Variants in TBC1D19 observed in about 807,000 individuals in gnomAD.
TBC1D19 encodes TBC1 domain family, member 19.
TBC1D19 carries 60 observed loss-of-function variants against 89.0 expected under a neutral mutation model. That is an observed-to-expected ratio of 0.67 (90% CI 0.55 to 0.84). The LOEUF (loss-of-function observed/expected upper bound fraction) is 0.84, where lower values mean the gene tolerates loss of function less well. Among genes scored for constraint, TBC1D19 ranks in the 40% least tolerant of loss-of-function variants. The pLI is 0.00. For missense variants in TBC1D19, 500 were observed against 610.8 expected, an observed-to-expected ratio of 0.82 and a Z score of 1.91; for synonymous variants, 189 against 199.7, an observed-to-expected ratio of 0.95 and a Z score of 0.45.
rs1287254870 is a variant in TBC1D19, at chr4:26,755,598, G to C, written c.*651G>C. On this transcript the variant is annotated 3_prime_UTR_variant, in exon 21 of 21. Transcript: ENST00000264866. Reference sequence around the variant, plus strand: ...GACAATATTTTATGCTTGACTCTCTGAAAGTCAGAAAATTATAGGTGATCC... The same window carrying C: ...GACAATATTTTATGCTTGACTCTCTCAAAGTCAGAAAATTATAGGTGATCC... Among the ~76,000 whole-genome samples the C allele has an allele frequency of 6.6e-6, 1 of 152,118 alleles. No homozygotes were observed. Among genetic ancestry groups the C allele is most frequent in the Non-Finnish European group, 1.5e-5 (1 of 67,994 alleles).
intron 7 of TBC1D19, among the ~76,000 whole-genome samples, chr4:26,654,835 C>A (rs189979888): frequency 1.1e-4 from 16 of 151,724 alleles, no homozygotes. Context: ...TCCTTTAGCT[C>A]GGAGTAGTTT....
the TBC1D19 span, among the ~76,000 whole-genome samples, chr4:26,855,562 AT>A: frequency 1.3e-5 from 2 of 152,062 alleles, no homozygotes; most frequent in African/African-American, 4.8e-5. Flanking sequence ...GGGTGTACTT[AT>A]GGCCATTTTT....
chr4:26,765,623 C>A, the TBC1D19 span, among the ~76,000 whole-genome samples: 2 of 152,044 alleles, frequency 1.3e-5, no homozygotes, highest in African/African-American at 4.8e-5. Context: ...GGTGACTGAG[C>A]AATAAACTTT....
intron 15 of TBC1D19, among the ~76,000 whole-genome samples, chr4:26,732,767 A>G (rs919183285): frequency 3.3e-5 from 5 of 152,212 alleles, no homozygotes; most frequent in African/African-American, 1.2e-4. Context: ...GCTGCTTGCC[A>G]GTCACTCTGA....
the TBC1D19 span, among the ~76,000 whole-genome samples, chr4:26,788,992 C>T: frequency 6.6e-6 from 1 of 152,130 alleles, no homozygotes; most frequent in Non-Finnish European, 1.5e-5. Context: ...GTCATTGTTA[C>T]CTTTTTTTCC....
At chr4:26,737,473 GA>G (rs1217730011) in intron 16 of TBC1D19, among the ~76,000 whole-genome samples, 1 of 152,092 alleles carries the variant, frequency 6.6e-6, no homozygotes. Flanking sequence ...GAGGATACTT[GA>G]TGTCATCAAA....
intron 1 of TBC1D19, among the ~76,000 whole-genome samples, chr4:26,591,187 A>T (rs1276916994): frequency 1.3e-5 from 2 of 151,742 alleles, no homozygotes; most frequent in African/African-American, 4.8e-5. Context: ...ACTTAGCAAT[A>T]TTCATTTAAT....
At chr4:26,687,155 T>C (rs1228942766) in intron 12 of TBC1D19, among the ~76,000 whole-genome samples, 1 of 152,194 alleles carries the variant, frequency 6.6e-6, no homozygotes, top group Admixed American at 6.6e-5. Context: ...TTTGGATACA[T>C]GTAAGGTTTG....
the TBC1D19 span, among the ~76,000 whole-genome samples, chr4:26,809,120 T>C: frequency 1.3e-5 from 2 of 152,158 alleles, no homozygotes; most frequent in Non-Finnish European, 2.9e-5. Context: ...CATGAAGTGA[T>C]GAGTTTTCTG....
chr4:26,646,209 A>G (rs1197730750), intron 7 of TBC1D19, among the ~76,000 whole-genome samples: 1 of 152,154 alleles, frequency 6.6e-6, no homozygotes, highest in Non-Finnish European at 1.5e-5. Context: ...CAGACACATG[A>G]AAAAATGCTC....
intron 1 of TBC1D19, among the ~76,000 whole-genome samples, chr4:26,604,624 A>G (rs980636654): frequency 6.7e-6 from 1 of 149,932 alleles, no homozygotes; most frequent in Non-Finnish European, 1.5e-5. Flanking sequence ...TAATCCCAGC[A>G]CTTTACTTTG....
chr4:26,699,074 G>A (rs1430531134), intron 13 of TBC1D19, among the ~76,000 whole-genome samples: 1 of 152,138 alleles, frequency 6.6e-6, no homozygotes, highest in Non-Finnish European at 1.5e-5. Flanking sequence ...GAGTGAACAG[G>A]CAACCTACAG....
At chr4:26,579,390 T>A (rs1410334986), upstream of TBC1D19, among the ~76,000 whole-genome samples, 1 of 152,184 alleles carries the variant, frequency 6.6e-6, no homozygotes, top group Non-Finnish European at 1.5e-5. Context: ...GCAGTAAGAT[T>A]TATGGGGAAG....
chr4:26,615,614 G>T lies in TBC1D19; in HGVS notation c.218+1161G>T, dbSNP rs1741635426. ...GTTTCTAAAATAAAGAGACTCAGAT[G>T]AACCCCTATGCACATGTGCTTTAGA... On this transcript the variant is annotated intron_variant, in intron 3 of 20. Transcript: ENST00000264866. 3.9e-5 allele frequency among the ~76,000 whole-genome samples: 6 copies of T among 152,186 alleles called. No individual in the cohort carries two copies. In the South Asian group the frequency reaches 1.2e-3, roughly 32 times the overall value.
the TBC1D19 span, among the ~76,000 whole-genome samples, chr4:26,837,559 G>C: frequency 6.6e-6 from 1 of 152,118 alleles, no homozygotes; most frequent in Admixed American, 6.5e-5. Context: ...ATAGCACTTG[G>C]AGTTTTCACA....
intron 7 of TBC1D19, among the ~76,000 whole-genome samples, chr4:26,657,306 A>G (rs912294042): frequency 2.6e-5 from 4 of 151,126 alleles, no homozygotes; most frequent in Non-Finnish European, 5.9e-5. Context: ...TCATTGTTCA[A>G]CTCTCACTTA....
chr4:26,802,204 T>G, the TBC1D19 span, among the ~76,000 whole-genome samples: 1 of 151,992 alleles, frequency 6.6e-6, no homozygotes, highest in Non-Finnish European at 1.5e-5. Flanking sequence ...ACAAAGTGAG[T>G]ATCATCTACA....
At chr4:26,577,300 T>C (rs932089912) in intron 1 of TBC1D19, among the ~76,000 whole-genome samples, 10 of 151,516 alleles carry the variant, frequency 6.6e-5, no homozygotes, top group Non-Finnish European at 1.0e-4. Context: ...TGTGTGTGTG[T>C]GCGTGTGTGT....
Position 26,692,448 on chromosome 4 carries a change from C to T in TBC1D19, c.954+4041C>T, listed in dbSNP as rs1380978187. On this transcript the variant is annotated intron_variant, in intron 13 of 20. Transcript: ENST00000264866. The stretch of plus-strand genomic sequence containing the variant: ...GGCAAGCTGAGAAGACCAGAGGCTA[C>T]CACCCTCACCAGTGTCTTTCTCACA... 2.6e-5 allele frequency among the ~76,000 whole-genome samples: 4 copies of T among 152,172 alleles called. No homozygotes were observed. In the South Asian group the frequency reaches 6.2e-4, roughly 24 times the overall value.
Sources: allele counts gnomAD v4.1 joint callset (sites outside exome capture counted in the v4.1 genomes callset), GRCh38; gene constraint gnomAD v4.1.1; transcripts MANE v1.5; gene names NCBI Gene and HGNC (gene_info 2026-07-23, HGNC 2026-07-21).